The following PDE4D variants were observed in gnomAD, a reference collection of about 807,000 sequenced individuals.
The protein encoded by PDE4D is 3',5'-cyclic-AMP phosphodiesterase 4D.
A neutral mutation model predicts 87.4 loss-of-function variants in PDE4D; 24 were observed. That is an observed-to-expected ratio of 0.27 (90% CI 0.20 to 0.39). The LOEUF is 0.39. Ranked by LOEUF, PDE4D falls within the 10% of genes least tolerant of loss-of-function variation. The probability of loss-of-function intolerance (pLI) is 1.00; values close to 1 mark genes in which losing one functional copy is unlikely to be tolerated. For missense variants in PDE4D, 714 were observed against 1,041.0 expected (o/e 0.69, Z 4.32); for synonymous variants, 384 against 383.2 (o/e 1.00, Z -0.02).
intron 2 of PDE4D, chr5:60,022,856 GTGGAAACCATTACATTGTC>G (rs1197058492): frequency 4.6e-5 from 7 of 152,496 alleles, no homozygotes; most frequent in African/African-American, 1.7e-4. Flanking sequence ...TCTGTGCCAA[GTGGAAACCATTACATTGTC>G]TCTCTCTCTT....
intron 3 of PDE4D, chr5:59,988,454 A>C: frequency 1.4e-6 from 2 of 1,383,444 alleles, no homozygotes; most frequent in Non-Finnish European, 2.0e-6. Flanking sequence ...CATCTAAAAT[A>C]TAAAATGGGG....
chr5:59,645,546 C>G (rs147033432), intron 1 of PDE4D, among the ~76,000 whole-genome samples: 47 of 152,242 alleles, frequency 3.1e-4, no homozygotes, highest in Admixed American at 1.9e-3. Context: ...GGTTCTCAGT[C>G]TCTTCCCTGT....
intron 1 of PDE4D, among the ~76,000 whole-genome samples, chr5:60,314,724 A>G (rs1247619518): frequency 1.3e-5 from 2 of 151,714 alleles, no homozygotes. Context: ...CCTATGAGTG[A>G]CAACATGCGG....
intron 1 of PDE4D, among the ~76,000 whole-genome samples, chr5:59,616,056 T>A (rs1329547185): frequency 1.3e-5 from 2 of 152,052 alleles, no homozygotes; most frequent in African/African-American, 4.8e-5. Context: ...GCCATGTTGG[T>A]GTGCTGCACC....
At chr5:59,718,905 T>G (rs1464775716) in intron 1 of PDE4D, among the ~76,000 whole-genome samples, 1 of 152,058 alleles carries the variant, frequency 6.6e-6, no homozygotes, top group African/African-American at 2.4e-5. Context: ...AATAAATTTT[T>G]TTTGAAAAAG....
intron 1 of PDE4D, among the ~76,000 whole-genome samples, chr5:60,221,385 TA>T (rs1357110706): frequency 6.6e-6 from 1 of 152,152 alleles, no homozygotes; most frequent in Non-Finnish European, 1.5e-5. Flanking sequence ...AAAATATATG[TA>T]CCTTAGTTTC....
intron 1 of PDE4D, among the ~76,000 whole-genome samples, chr5:60,235,836 A>C (rs564217025): frequency 2.6e-5 from 4 of 152,014 alleles, no homozygotes; most frequent in South Asian, 2.1e-4. Context: ...TAACAGAAAA[A>C]TATAAAAAAC....
intron 1 of PDE4D, among the ~76,000 whole-genome samples, chr5:60,520,469 G>T (rs923557314): frequency 6.6e-6 from 1 of 152,146 alleles, no homozygotes; most frequent in Non-Finnish European, 1.5e-5. Flanking sequence ...ACTTCTGTTG[G>T]CCATGCCTGT....
At chr5:59,417,686 T>C (rs992371027) in intron 1 of PDE4D, among the ~76,000 whole-genome samples, 7 of 152,302 alleles carry the variant, frequency 4.6e-5, no homozygotes, top group Non-Finnish European at 7.4e-5. Context: ...TCTGTTCTCC[T>C]CTACAATTCC....
chr5:59,120,554 G>C (rs1048665245), intron 5 of PDE4D, among the ~76,000 whole-genome samples: 15 of 150,680 alleles, frequency 1.0e-4, no homozygotes, highest in African/African-American at 3.7e-4. Flanking sequence ...GATGTACTTA[G>C]TGCCCAATTC....
intron 2 of PDE4D, among the ~76,000 whole-genome samples, chr5:59,997,753 T>C (rs1763644702): frequency 6.6e-6 from 1 of 152,210 alleles, no homozygotes; most frequent in South Asian, 2.1e-4. Context: ...TGGTAAAGCA[T>C]AGGTTCATGC....
chr5:59,090,444 G>A (rs1290694204), intron 5 of PDE4D, among the ~76,000 whole-genome samples: 1 of 152,112 alleles, frequency 6.6e-6, no homozygotes, highest in Admixed American at 6.5e-5. Flanking sequence ...AGAGGATGTT[G>A]ATTCACTTGT....
At position 59,054,697 on chromosome 5, in the gene PDE4D, C is replaced by CACA. The variant is rs1297791335; in HGVS notation, c.809-15727_809-15726insTGT. On this transcript the variant is annotated intron_variant, in intron 5 of 14. Coordinates refer to ENST00000340635, the MANE Select transcript of PDE4D (RefSeq NM_001104631.2). ...TTCGAGCCAATACAGAGAATTGAAACATAATTTAACATGAAATAACATTTA... is the reference window on the plus strand; with the variant it reads ...TTCGAGCCAATACAGAGAATTGAAACACAATAATTTAACATGAAATAACATTTA... 2.6e-5 allele frequency among the ~76,000 whole-genome samples: 4 copies of CACA among 151,792 alleles called. No homozygotes were observed. In the East Asian group the frequency reaches 7.7e-4, roughly 29 times the overall value.
intron 1 of PDE4D, among the ~76,000 whole-genome samples, chr5:60,518,637 C>G (rs1389453961): frequency 6.6e-6 from 1 of 152,208 alleles, no homozygotes; most frequent in African/African-American, 2.4e-5. Context: ...GATGCGTGAA[C>G]TCCCACAGCC....
At chr5:60,403,166 T>C (rs1437542694) in intron 1 of PDE4D, among the ~76,000 whole-genome samples, 2 of 152,176 alleles carry the variant, frequency 1.3e-5, no homozygotes, top group East Asian at 3.9e-4. Context: ...AGTGCTGTCT[T>C]AGGAGGCTCG....
intron 1 of PDE4D, among the ~76,000 whole-genome samples, chr5:59,820,079 C>T (rs926349228): frequency 2.6e-5 from 4 of 152,160 alleles, no homozygotes; most frequent in African/African-American, 7.2e-5. Context: ...ATTTGCATCC[C>T]ACAGGGATGA....
chr5:60,182,290 G>A (rs1305369771), intron 2 of PDE4D, among the ~76,000 whole-genome samples: 18 of 152,136 alleles, frequency 1.2e-4, no homozygotes, highest in Admixed American at 1.1e-3. Flanking sequence ...GAAATGAAGA[G>A]AAAGATGTTG....
chr5:59,613,426 G>T (rs578044026), intron 1 of PDE4D, among the ~76,000 whole-genome samples: 2 of 152,156 alleles, frequency 1.3e-5, no homozygotes, highest in Non-Finnish European at 2.9e-5. Context: ...GATCCAGATC[G>T]GTAGAGACTT....
chr5:60,458,945 C>A (rs958827745), intron 1 of PDE4D, among the ~76,000 whole-genome samples: 10 of 151,790 alleles, frequency 6.6e-5, no homozygotes, highest in Non-Finnish European at 1.3e-4. Context: ...TTCCAGTGGA[C>A]AACTAACTAA....
Sources: allele counts gnomAD v4.1 joint callset (sites outside exome capture counted in the v4.1 genomes callset), GRCh38; gene constraint gnomAD v4.1.1; transcripts MANE v1.5; gene names NCBI Gene and HGNC (gene_info 2026-07-23, HGNC 2026-07-21).